Variants in CEP83 observed in about 807,000 individuals in gnomAD.
CEP83 encodes centrosomal protein 83.
In CEP83, 70 loss-of-function variants were observed where a neutral mutation model predicts 101.9. The ratio of observed to expected loss-of-function variants is 0.69; its 90% CI spans 0.57 to 0.84. The LOEUF (loss-of-function observed/expected upper bound fraction) is 0.84, where lower values mean the gene tolerates loss of function less well. Ranked by LOEUF, CEP83 falls within the 40% of genes least tolerant of loss-of-function variation. CEP83 has a pLI of 0.00. For synonymous variants in CEP83, 264 were observed against 267.9 expected (o/e 0.99, Z 0.14); for missense variants, 715 against 787.2 (o/e 0.91, Z 1.10).
intron 2 of CEP83, among the ~76,000 whole-genome samples, chr12:94,423,200 T>G (rs1335436859): frequency 1.3e-5 from 2 of 152,140 alleles, no homozygotes. Flanking sequence ...TTCTCCTGCC[T>G]CCACCTCCCA....
At chr12:94,421,861 G>T (rs967223846) in intron 2 of CEP83, among the ~76,000 whole-genome samples, 19 of 152,118 alleles carry the variant, frequency 1.2e-4, no homozygotes, top group African/African-American at 4.6e-4. Flanking sequence ...CTCTTCAAAG[G>T]GACTTTCCTT....
chr12:94,427,104 T>C, intron 2 of CEP83, among the ~76,000 whole-genome samples: 1 of 152,266 alleles, frequency 6.6e-6, no homozygotes, highest in East Asian at 1.9e-4. Context: ...AACTCAAAAT[T>C]TCTAACACAA....
the CEP83 span, among the ~76,000 whole-genome samples, chr12:94,268,454 A>G: frequency 6.6e-6 from 1 of 152,166 alleles, no homozygotes; most frequent in Non-Finnish European, 1.5e-5. Flanking sequence ...TAATGAGGCA[A>G]CAGTGAGACA....
the CEP83 span, among the ~76,000 whole-genome samples, chr12:94,286,215 A>G: frequency 2.4e-3 from 358 of 152,328 alleles, 1 homozygote; most frequent in African/African-American, 8.3e-3. Flanking sequence ...ATAAATGACA[A>G]GCCTAGGACA....
chr12:94,270,784 A>C, the CEP83 span, among the ~76,000 whole-genome samples: 37 of 151,676 alleles, frequency 2.4e-4, no homozygotes, highest in African/African-American at 8.0e-4. Context: ...TTTTAAATGG[A>C]AAAAGGCTCT....
chr12:94,414,469 G>C (rs1013418909), intron 2 of CEP83, among the ~76,000 whole-genome samples: 4 of 152,172 alleles, frequency 2.6e-5, no homozygotes, highest in African/African-American at 9.7e-5. Flanking sequence ...CCCTTCACCT[G>C]CTAATAGATG....
At chr12:94,342,997 G>A (rs1189614276) in intron 11 of CEP83, among the ~76,000 whole-genome samples, 1 of 151,648 alleles carries the variant, frequency 6.6e-6, no homozygotes, top group Non-Finnish European at 1.5e-5. Context: ...CAAATCAAGT[G>A]GACAAAAAAT....
At chr12:94,424,670 C>G (rs1437624600) in intron 2 of CEP83, 1 of 1,613,168 alleles carries the variant, frequency 6.2e-7, no homozygotes, top group African/African-American at 1.3e-5. Flanking sequence ...ATCTACAAAG[C>G]CATAGCCTTT....
At chr12:94,275,716 G>C in the CEP83 span, among the ~76,000 whole-genome samples, 3 of 129,602 alleles carry the variant, frequency 2.3e-5, 1 homozygote, top group Admixed American at 8.0e-5. Context: ...TTAGCCGGGC[G>C]TAGTGGCGGG....
chr12:94,266,330 G>A, the CEP83 span, among the ~76,000 whole-genome samples: 5 of 152,198 alleles, frequency 3.3e-5, no homozygotes, highest in African/African-American at 9.7e-5. Context: ...GCTGCCATCC[G>A]AGAGCGGGAA....
In CEP83 at chr12:94,333,554, A is replaced by G. The variant is rs765449114; in HGVS notation, c.1505T>C (p.Met502Thr). ...GCATTCTTGTTTTAATCTCTCCACC[A>G]TTTCCTTCAGCATTTGGTTTGAATT... ...LLNSNQMLKE[M>T]VERLKQECRN... Residue 502 changes from methionine (M) to threonine (T), a missense_variant, in exon 13 of 17, where the codon ATG becomes ACG. By Grantham distance (81) the Met-to-Thr change is moderately conservative. Transcript: ENST00000397809. The G allele has an allele frequency of 1.2e-6, 2 of 1,613,656 alleles. No homozygotes were observed. The highest frequency in any genetic ancestry group is 1.3e-5 in the African/African-American group (1 of 74,914).
At position 94,315,229 on chromosome 12, in the gene CEP83, A is replaced by G. The variant is rs144020933; in HGVS notation, c.1708-2212T>C. The stretch of plus-strand genomic sequence containing the variant: ...TATGTGAGAGTTCTAGCTGTTCTAC[A>G]TTTTTGCCAGTACTTGGTATGGTCG... On this transcript the variant is annotated intron_variant, in intron 14 of 16. Transcript: ENST00000397809. Among the ~76,000 whole-genome samples the G allele has an allele frequency of 7.9e-5, 12 of 152,208 alleles. No individual in the cohort carries two copies. The South Asian group carries it at 8.3e-4, about 11-fold the overall frequency.
chr12:94,298,572 G>C, the CEP83 span: 1 of 1,349,458 alleles, frequency 7.4e-7, no homozygotes, highest in African/African-American at 1.5e-5. Context: ...TTGCTATTAT[G>C]TTTTCAAAAC....
chr12:94,271,916 G>A, the CEP83 span, among the ~76,000 whole-genome samples: 1 of 152,266 alleles, frequency 6.6e-6, no homozygotes, highest in South Asian at 2.1e-4. Flanking sequence ...TTGGGTGCCT[G>A]TGTGCTTATG....
chr12:94,452,154 A>G (rs1180300072), intron 1 of CEP83, among the ~76,000 whole-genome samples: 1 of 152,188 alleles, frequency 6.6e-6, no homozygotes, highest in Non-Finnish European at 1.5e-5. Flanking sequence ...ATAGTGATAG[A>G]AAGTAGATCA....
At chr12:94,304,029 A>G, downstream of CEP83, 1 of 1,566,450 alleles carries the variant, frequency 6.4e-7, no homozygotes, top group Non-Finnish European at 8.8e-7. Context: ...ATTTACAAAT[A>G]CATCGTAAAA....
At chr12:94,408,138 T>C (rs1040598538) in intron 4 of CEP83, 3 of 152,188 alleles carry the variant, frequency 2.0e-5, no homozygotes, top group Non-Finnish European at 4.4e-5. Context: ...TCTAATGGAA[T>C]ATTGCCACTA....
the CEP83 span, among the ~76,000 whole-genome samples, chr12:94,284,770 C>T: frequency 3.9e-5 from 6 of 152,042 alleles, no homozygotes; most frequent in East Asian, 1.2e-3. Context: ...GGTAGGGAGG[C>T]AAGCAGGGAA....
chr12:94,266,365 C>G, the CEP83 span, among the ~76,000 whole-genome samples: 1 of 152,204 alleles, frequency 6.6e-6, no homozygotes, highest in Admixed American at 6.5e-5. Context: ...CAACACTTCT[C>G]AGCGTTCTGA....
Sources: gnomAD v4.1 joint callset for allele counts (sites outside exome capture counted in the v4.1 genomes callset) on GRCh38, gnomAD v4.1.1 for gene constraint, MANE v1.5 for transcripts, NCBI Gene and HGNC (gene_info 2026-07-23, HGNC 2026-07-21) for gene names.